ENTPD5: variants seen among roughly 807,000 people sequenced by gnomAD.
ENTPD5 encodes the protein ectonucleoside triphosphate diphosphohydrolase 5 (inactive), also known as nucleoside diphosphate phosphatase ENTPD5.
In ENTPD5, 49 loss-of-function variants were observed where a neutral mutation model predicts 60.2. The observed-to-expected ratio is 0.81, with a 90% CI of 0.65 to 1.03. The LOEUF (loss-of-function observed/expected upper bound fraction) is 1.03, where lower values mean the gene tolerates loss of function less well. Ranked by LOEUF, ENTPD5 falls within the 50% of genes least tolerant of loss-of-function variation. ENTPD5 has a pLI of 0.00. For synonymous variants in ENTPD5, 187 were observed against 185.4 expected (o/e 1.01, Z -0.07); for missense variants, 480 against 507.6 (o/e 0.95, Z 0.52).
chr14:73,963,221 G>GACTT (rs1451059850), downstream of ENTPD5: 7 of 584,386 alleles, frequency 1.2e-5, no homozygotes, highest in Non-Finnish European at 1.8e-5. Flanking sequence ...TTCGAAGGAA[G>GACTT]ACTTACAATT....
Position 73,966,883 on chromosome 14 carries a change from T to TA in ENTPD5, c.*44dup. The stretch of plus-strand genomic sequence containing the variant: ...GAAACTAAGTGCTCTCTCCTCCCCT[T>TA]AAAAAGGTGTTGGCAAATGCAGGTC... On this transcript the variant is annotated 3_prime_UTR_variant, in exon 16 of 16. Coordinates refer to ENST00000334696, the MANE Select transcript of ENTPD5 (RefSeq NM_001249.5). 1 of 1,457,022 alleles carries TA rather than the reference T, an allele frequency of 6.9e-7. No individual in the cohort carries two copies. Among genetic ancestry groups the TA allele is most frequent in the Non-Finnish European group, 9.6e-7 (1 of 1,038,046 alleles). The allele number at this position is 1,457,022 out of a possible 1,614,324, so 90.3% of individuals were successfully genotyped here. A position where few individuals can be genotyped will look rare whatever the true frequency, so the allele number is the denominator to read the frequency against.
intron 3 of ENTPD5, among the ~76,000 whole-genome samples, 173 bp from the exon 4 acceptor site, chr14:73,988,345 T>G (rs1318992079): frequency 2.6e-5 from 4 of 152,210 alleles, no homozygotes; most frequent in African/African-American, 9.6e-5. Flanking sequence ...GGGTATCTAG[T>G]TCCAAAAGGA....
At chr14:73,977,485 T>C (rs1308703378) in intron 6 of ENTPD5, 111 bp from the exon 7 acceptor site, 4 of 830,100 alleles carry the variant, frequency 4.8e-6, no homozygotes, top group African/African-American at 3.5e-5. Flanking sequence ...TTTTCCTAGA[T>C]AAAATTTTGG....
At chr14:73,985,492 G>A (rs980764489) in intron 5 of ENTPD5, among the ~76,000 whole-genome samples, 2 of 152,202 alleles carry the variant, frequency 1.3e-5, no homozygotes, top group Non-Finnish European at 2.9e-5. Context: ...CTGATGGCCA[G>A]TGATGATGAG....
chr14:73,977,128 T>A, intron 7 of ENTPD5, 69 bp from the exon 8 acceptor site: 1 of 1,488,990 alleles, frequency 6.7e-7, no homozygotes, highest in Non-Finnish European at 9.2e-7. Context: ...CAACCTTGTT[T>A]TTTTTTTTTC....
chr14:73,976,058 T>C (rs1220390713), intron 9 of ENTPD5, 43 bp from the exon 10 acceptor site: 2 of 1,492,826 alleles, frequency 1.3e-6, no homozygotes, highest in African/African-American at 1.4e-5. Context: ...GGATCTGTAA[T>C]TACCTGAAGA....
downstream of ENTPD5, chr14:73,955,703 A>AT (rs1254661115): frequency 3.8e-6 from 6 of 1,565,320 alleles, no homozygotes; most frequent in African/African-American, 5.4e-5. Flanking sequence ...AGGCTGACAA[A>AT]TTGTGATTTT....
chr14:73,997,751 G>A (rs543928260), intron 3 of ENTPD5, among the ~76,000 whole-genome samples: 1 of 152,246 alleles, frequency 6.6e-6, no homozygotes, highest in East Asian at 1.9e-4. Context: ...CTATCTGAAG[G>A]ATGTCTAAGG....
At chr14:73,981,912 T>C (rs2057707820) in intron 6 of ENTPD5, among the ~76,000 whole-genome samples, 1 of 151,886 alleles carries the variant, frequency 6.6e-6, no homozygotes, top group African/African-American at 2.4e-5. Context: ...AAAAACTGTA[T>C]AATTCCATTT....
chr14:74,017,484 C>A (rs2059059206), intron 1 of ENTPD5, among the ~76,000 whole-genome samples: 1 of 145,276 alleles, frequency 6.9e-6, no homozygotes, highest in African/African-American at 2.6e-5. Flanking sequence ...GAGGCTGAGG[C>A]AGGAGAATCG....
chr14:73,959,050 C>T, downstream of ENTPD5: 1 of 1,614,182 alleles, frequency 6.2e-7, no homozygotes, highest in Non-Finnish European at 8.5e-7. Context: ...GACCAGTCTG[C>T]TGTTGTGGCT....
In ENTPD5 at chr14:73,966,615, A is replaced by G. The variant is rs1405760913; in HGVS notation, c.*313T>C. 6 of 258,178 alleles carry G rather than the reference A, an allele frequency of 2.3e-5. No homozygotes were observed. Among genetic ancestry groups the G allele is most frequent in the Non-Finnish European group, 3.0e-5 (4 of 135,098 alleles). 16.0% of individuals were successfully genotyped at this position (258,178 alleles called of 1,614,324 possible). A position where few individuals can be genotyped will look rare whatever the true frequency, so the allele number is the denominator to read the frequency against. ...ATTTAAGAGGAAAATTTAAATATTC[A>G]GTGGAATGAGGCACTCAAAGGGTTG... On this transcript the variant is annotated 3_prime_UTR_variant, in exon 16 of 16. Coordinates refer to ENST00000334696, the MANE Select transcript of ENTPD5 (RefSeq NM_001249.5).
At position 73,983,148 on chromosome 14, in the gene ENTPD5, A is replaced by T. The variant is rs1276371605; in HGVS notation, c.311T>A (p.Val104Asp). The change falls in exon 6 of 16, where the codon GTT becomes GAT. Residue 104 changes from valine to aspartate, a missense_variant. Val to Asp is a radical substitution (Grantham distance 152). Transcript: ENST00000334696. ...VDQPKQGAET[V>D]QGLLEVAKDS... ...TTTGGCCACCTCTAAGAGCCCTTGA[A>T]CGGTCTCAGCACCCTTCAAAAGAGA... 6.2e-7 allele frequency: 1 copy of T among 1,613,808 alleles called. No homozygotes were observed. Among genetic ancestry groups the T allele is most frequent in the South Asian group, 1.1e-5 (1 of 91,018 alleles).
At chr14:73,962,638 G>C (rs779250732), downstream of ENTPD5, 10 of 249,106 alleles carry the variant, frequency 4.0e-5, no homozygotes, top group Non-Finnish European at 7.7e-5. Context: ...TTTCATCCCT[G>C]AGAACTTCCA....
At chr14:74,011,930 G>A (rs2058857779) in intron 2 of ENTPD5, among the ~76,000 whole-genome samples, 1 of 152,024 alleles carries the variant, frequency 6.6e-6, no homozygotes, top group African/African-American at 2.4e-5. Context: ...AATCACTTAA[G>A]AATTTGAGTT....
At chr14:73,960,262 C>T (rs1594809592), downstream of ENTPD5, 1 of 986,314 alleles carries the variant, frequency 1.0e-6, no homozygotes, top group Non-Finnish European at 1.2e-6. Flanking sequence ...TCACTAACTG[C>T]TCAGGATTGA....
chr14:73,970,698 G>T (rs1208597177), intron 14 of ENTPD5, among the ~76,000 whole-genome samples: 2 of 152,100 alleles, frequency 1.3e-5, no homozygotes, highest in African/African-American at 4.8e-5. Context: ...TATTGTGGGG[G>T]CTTAGTTCTA....
intron 6 of ENTPD5, among the ~76,000 whole-genome samples, chr14:73,982,681 G>A (rs1396828657): frequency 1.3e-5 from 2 of 152,054 alleles, no homozygotes; most frequent in Non-Finnish European, 2.9e-5. Context: ...GCATTAACCT[G>A]GGAGGTGGAG....
intron 2 of ENTPD5, among the ~76,000 whole-genome samples, chr14:74,012,706 T>A (rs2058883208): frequency 6.6e-6 from 1 of 150,544 alleles, no homozygotes; most frequent in Non-Finnish European, 1.5e-5. Flanking sequence ...TCCCACCAAC[T>A]GCTACCATAA....
Sources: allele counts gnomAD v4.1 joint callset (sites outside exome capture counted in the v4.1 genomes callset), GRCh38; gene constraint gnomAD v4.1.1; transcripts MANE v1.5; gene names NCBI Gene and HGNC (gene_info 2026-07-23, HGNC 2026-07-21).